Variants in TRPM1 observed in about 807,000 individuals in gnomAD.
TRPM1 encodes TRPM1-203 APA Isoform, Intron 10.
Under a neutral mutation model 149.4 loss-of-function variants are expected in TRPM1, and 113 were observed. The ratio of observed to expected loss-of-function variants is 0.76; its 90% confidence interval spans 0.65 to 0.88. The LOEUF (loss-of-function observed/expected upper bound fraction) is 0.88. Among genes scored for constraint, TRPM1 ranks in the 40% least tolerant of loss-of-function variants. The probability of loss-of-function intolerance (pLI) is 0.00; values close to 1 mark genes in which losing one functional copy is unlikely to be tolerated. For missense variants in TRPM1, 1,976 were observed against 2,038.7 expected (o/e 0.97, Z 0.59); for synonymous variants, 741 against 759.5 (o/e 0.98, Z 0.40).
intron 1 of TRPM1, among the ~76,000 whole-genome samples, chr15:31,087,377 C>T (rs912637945): frequency 1.3e-5 from 2 of 150,708 alleles, no homozygotes; most frequent in African/African-American, 4.9e-5. Context: ...CCATGTAGTC[C>T]TGTAGCTAGG....
intron 9 of TRPM1, among the ~76,000 whole-genome samples, 189 bp from the exon 10 acceptor site, chr15:31,061,703 A>T (rs183863367): frequency 3.5e-5 from 5 of 141,890 alleles, no homozygotes; most frequent in Admixed American, 7.1e-5. Context: ...TTTTTTTTTG[A>T]GATGGAGTTT....
At chr15:31,107,042 T>C (rs2035617160) in intron 1 of TRPM1, among the ~76,000 whole-genome samples, 1 of 152,210 alleles carries the variant, frequency 6.6e-6, no homozygotes, top group African/African-American at 2.4e-5. Flanking sequence ...TGTCTGGTTT[T>C]GATATCTGGG....
intron 23 of TRPM1, among the ~76,000 whole-genome samples, chr15:31,029,653 C>T (rs1037910409): frequency 6.6e-6 from 1 of 152,062 alleles, no homozygotes; most frequent in Admixed American, 6.6e-5. Flanking sequence ...GTGTCATAAG[C>T]GAGAGCAAAA....
At chr15:31,022,569 C>T (rs2032585499) in intron 27 of TRPM1, among the ~76,000 whole-genome samples, 1 of 152,220 alleles carries the variant, frequency 6.6e-6, no homozygotes, top group African/African-American at 2.4e-5. Flanking sequence ...GTGCCAACAC[C>T]AACACTTGTT....
rs1365021598 is a variant in TRPM1, at chr15:31,026,122, G to A, written c.3629+17C>T. ...AACCCTTGGCTCACGGGCCCGCGGT[G>A]GGGACGCTACACGTACCTTTCAGAA... On this transcript the variant is annotated intron_variant, in intron 27 of 27. Transcript: ENST00000256552. 1.9e-6 allele frequency: 3 copies of A among 1,609,556 alleles called. No homozygotes were observed. The highest frequency in any genetic ancestry group is 2.5e-6 in the Non-Finnish European group (3 of 1,179,986).
intron 12 of TRPM1, among the ~76,000 whole-genome samples, chr15:31,049,755 G>A (rs776651171): frequency 6.6e-6 from 1 of 152,208 alleles, no homozygotes; most frequent in Admixed American, 6.5e-5. Flanking sequence ...AGATTGAAGA[G>A]GATTCAAAAT....
intron 1 of TRPM1, among the ~76,000 whole-genome samples, chr15:31,137,053 G>A (rs2036098921): frequency 6.6e-6 from 1 of 152,108 alleles, no homozygotes; most frequent in Admixed American, 6.6e-5. Context: ...GCTCTCTTTT[G>A]CATTAGTGCT....
At chr15:31,157,828 G>T (rs931139171) in intron 1 of TRPM1, among the ~76,000 whole-genome samples, 3 of 152,178 alleles carry the variant, frequency 2.0e-5, no homozygotes, top group Admixed American at 6.5e-5. Context: ...TGTACAAATA[G>T]AGGGCCAGGC....
intron 1 of TRPM1, among the ~76,000 whole-genome samples, chr15:31,141,084 A>G (rs1672406): frequency 6.6e-6 from 1 of 151,228 alleles, no homozygotes; most frequent in Non-Finnish European, 1.5e-5. Flanking sequence ...CGCCCCCCTC[A>G]GCCTCCCAAA....
chr15:31,159,552 A>G (rs1353177932), intron 1 of TRPM1, among the ~76,000 whole-genome samples: 1 of 152,224 alleles, frequency 6.6e-6, no homozygotes, highest in Non-Finnish European at 1.5e-5. Context: ...TGACTCTCAC[A>G]CATGCGCACA....
intron 1 of TRPM1, among the ~76,000 whole-genome samples, chr15:31,132,171 C>T (rs1008895634): frequency 2.6e-5 from 4 of 152,220 alleles, no homozygotes; most frequent in Non-Finnish European, 5.9e-5. Context: ...TATTGGCAGC[C>T]GGGTTGACCC....
At chr15:31,128,556 C>G (rs955889570) in intron 1 of TRPM1, among the ~76,000 whole-genome samples, 3 of 152,172 alleles carry the variant, frequency 2.0e-5, no homozygotes, top group African/African-American at 7.2e-5. Flanking sequence ...GCCACAACCC[C>G]CTTCCTGCTC....
In TRPM1 at chr15:31,029,925, A is replaced by ATTTTTTTT. The variant is rs2032989620; in HGVS notation, c.3128-535_3128-534insAAAAAAAA. On this transcript the variant is annotated intron_variant, in intron 23 of 27. Transcript: ENST00000256552. ...AAGAGCTCAACAATAAAAATACTAC[A>ATTTTTTTT]GTTTATGCCTGGAATTCAGGAACTT... Among the ~76,000 whole-genome samples, 4 of 152,162 alleles carry ATTTTTTTT rather than the reference A, an allele frequency of 2.6e-5. No homozygotes were observed. The East Asian group carries it at 7.7e-4, about 29-fold the overall frequency.
chr15:31,023,171 G>A (rs1219224350), intron 27 of TRPM1, among the ~76,000 whole-genome samples: 1 of 152,242 alleles, frequency 6.6e-6, no homozygotes, highest in East Asian at 1.9e-4. Flanking sequence ...AAGGTGTGAG[G>A]TGGTGAAGTT....
intron 1 of TRPM1, among the ~76,000 whole-genome samples, chr15:31,112,846 G>T (rs1333773964): frequency 6.6e-6 from 1 of 152,166 alleles, no homozygotes; most frequent in African/African-American, 2.4e-5. Flanking sequence ...CTGCCACAAA[G>T]AACCCCCTTT....
At chr15:31,114,214 A>G (rs2035765670) in intron 1 of TRPM1, among the ~76,000 whole-genome samples, 1 of 151,980 alleles carries the variant, frequency 6.6e-6, no homozygotes. Context: ...GTTCCCCTCT[A>G]TGTGTCCAAG....
At chr15:31,139,213 G>A (rs2036127873) in intron 1 of TRPM1, among the ~76,000 whole-genome samples, 1 of 152,194 alleles carries the variant, frequency 6.6e-6, no homozygotes, top group Non-Finnish European at 1.5e-5. Flanking sequence ...AGAAGGCACA[G>A]TACTCAGATT....
At chr15:31,075,266 G>A (rs1247614340) in intron 3 of TRPM1, among the ~76,000 whole-genome samples, 5 of 152,132 alleles carry the variant, frequency 3.3e-5, no homozygotes, top group African/African-American at 4.8e-5. Flanking sequence ...TATTGAAAGT[G>A]GGGTATTGAA....
chr15:31,141,831 C>A (rs914088629), intron 1 of TRPM1, among the ~76,000 whole-genome samples: 1 of 152,166 alleles, frequency 6.6e-6, no homozygotes, highest in Non-Finnish European at 1.5e-5. Flanking sequence ...AAATTGAGTT[C>A]TATTAATGAA....
Sources: gnomAD v4.1 joint callset for allele counts (sites outside exome capture counted in the v4.1 genomes callset) on GRCh38, gnomAD v4.1.1 for gene constraint, MANE v1.5 for transcripts, NCBI Gene and HGNC (gene_info 2026-07-23, HGNC 2026-07-21) for gene names.